CFDP1: variants seen among roughly 807,000 people sequenced by gnomAD.
CFDP1 encodes the protein chromatin remodeling protein CFDP1, also known as heterochromatin-stabilizing protein CFDP1.
A neutral mutation model predicts 40.1 loss-of-function variants in CFDP1; 31 were observed. That is an observed-to-expected ratio of 0.77 (90% confidence interval 0.58 to 1.04). CFDP1 has a LOEUF of 1.04. Among genes scored for constraint, CFDP1 ranks in the 50% least tolerant of loss-of-function variants. The pLI, the probability that CFDP1 is intolerant of heterozygous loss-of-function variation, is 0.00. For synonymous variants in CFDP1, 167 were observed against 120.0 expected, an observed-to-expected ratio of 1.39 and a Z score of -2.56; for missense variants, 423 against 343.4, an observed-to-expected ratio of 1.23 and a Z score of -1.83.
chr16:75,422,228 C>A (rs755677521), intron 1 of CFDP1, among the ~76,000 whole-genome samples: 1 of 152,042 alleles, frequency 6.6e-6, no homozygotes, highest in Non-Finnish European at 1.5e-5. Context: ...TCCCAAGTAG[C>A]TGGGATTACA....
chr16:75,306,199 T>C (rs550510975), intron 5 of CFDP1, among the ~76,000 whole-genome samples: 48 of 152,358 alleles, frequency 3.2e-4, no homozygotes, highest in African/African-American at 1.2e-3. Context: ...ATAATACCTT[T>C]ACTTGTCTAG....
In CFDP1 at chr16:75,323,549, G is replaced by C. The variant is rs138184852; in HGVS notation, c.651-18367C>G. 5.3e-3 allele frequency among the ~76,000 whole-genome samples: 800 copies of C among 152,058 alleles called. 7 individuals are homozygous for C. Among genetic ancestry groups the C allele is most frequent in the African/African-American group, 0.019 (775 of 41,472 alleles). On this transcript the variant is annotated intron_variant, in intron 5 of 6. Coordinates refer to ENST00000283882, the MANE Select transcript of CFDP1 (RefSeq NM_006324.3). ...TAATCCCAGCACTTGTGAAGGCCGA[G>C]GCAGGTGGATCACCTGAGGCCAGGA...
chr16:75,416,916 G>T lies in CFDP1; in HGVS notation c.65-2221C>A, dbSNP rs59694054. On this transcript the variant is annotated intron_variant, in intron 1 of 6. Coordinates refer to ENST00000283882, the MANE Select transcript of CFDP1 (RefSeq NM_006324.3). ...CAAGGGCTAAGTGACAGTGTTTCAT[G>T]AAGAGAGCAGTGAGTTCCTGCTTAA... Among the ~76,000 whole-genome samples the T allele has an allele frequency of 2.9e-4, 44 of 152,292 alleles. No homozygotes were observed. In the East Asian group the frequency reaches 7.9e-3, roughly 27 times the overall value.
At chr16:75,294,184 A>C in intron 6 of CFDP1, 142 bp from the exon 7 acceptor site, 1 of 607,524 alleles carries the variant, frequency 1.6e-6, no homozygotes, top group Middle Eastern at 2.7e-4. Flanking sequence ...TACAATCCAA[A>C]CCACTCACAT....
At chr16:75,356,238 C>A (rs2078643342) in intron 5 of CFDP1, among the ~76,000 whole-genome samples, 1 of 152,266 alleles carries the variant, frequency 6.6e-6, no homozygotes, top group Middle Eastern at 3.4e-3. Flanking sequence ...CACAGCTTGT[C>A]AGGAGTGAAA....
chr16:75,308,413 C>CA (rs1352582486), intron 5 of CFDP1, among the ~76,000 whole-genome samples: 5 of 152,168 alleles, frequency 3.3e-5, no homozygotes, highest in Admixed American at 2.0e-4. Flanking sequence ...GTCTTATGTT[C>CA]TGCTTTGAGG....
At chr16:75,402,258 T>C (rs1487275718) in intron 4 of CFDP1, among the ~76,000 whole-genome samples, 2 of 152,206 alleles carry the variant, frequency 1.3e-5, no homozygotes, top group African/African-American at 4.8e-5. Flanking sequence ...TTAGTAATAG[T>C]TAATTCAAGT....
At chr16:75,411,684 G>A (rs2079163943) in intron 4 of CFDP1, 141 bp downstream of exon 4, 7 of 804,930 alleles carry the variant, frequency 8.7e-6, no homozygotes, top group South Asian at 1.7e-5. Flanking sequence ...GTAATTTATA[G>A]AGCCAGTTTT....
At chr16:75,418,252 C>CAA (rs34789992) in intron 1 of CFDP1, among the ~76,000 whole-genome samples, 97 of 56,850 alleles carry the variant, frequency 1.7e-3, no homozygotes, top group African/African-American at 2.4e-3. Context: ...AACTCTGTCT[C>CAA]AAAAAAAAAA....
intron 5 of CFDP1, among the ~76,000 whole-genome samples, chr16:75,311,242 T>G (rs2078291128): frequency 6.6e-6 from 1 of 152,222 alleles, no homozygotes; most frequent in African/African-American, 2.4e-5. Context: ...TTTTCCACCT[T>G]GCTTGGTGCT....
intron 4 of CFDP1, among the ~76,000 whole-genome samples, chr16:75,411,226 CAA>C (rs2079159824): frequency 1.3e-5 from 2 of 151,376 alleles, no homozygotes; most frequent in African/African-American, 4.9e-5. Context: ...TAAAAAAAAA[CAA>C]AAACAAAACA....
At chr16:75,401,394 C>A (rs2079051697) in intron 4 of CFDP1, among the ~76,000 whole-genome samples, 1 of 145,494 alleles carries the variant, frequency 6.9e-6, no homozygotes, top group East Asian at 2.0e-4. Context: ...CACCACTGCA[C>A]TCCACCCTGG....
chr16:75,334,213 C>A (rs891351319), intron 5 of CFDP1, among the ~76,000 whole-genome samples: 1 of 151,588 alleles, frequency 6.6e-6, no homozygotes, highest in African/African-American at 2.4e-5. Context: ...CTAACCCTAA[C>A]CCTAACCCTA....
chr16:75,426,999 G>A (rs946471533), intron 1 of CFDP1, among the ~76,000 whole-genome samples: 4 of 150,776 alleles, frequency 2.7e-5, no homozygotes, highest in African/African-American at 4.9e-5. Context: ...AGGTTGTGGT[G>A]AGCCAAGATT....
intron 6 of CFDP1, among the ~76,000 whole-genome samples, chr16:75,294,328 T>C (rs1453639127): frequency 6.6e-6 from 1 of 152,192 alleles, no homozygotes; most frequent in Non-Finnish European, 1.5e-5. Context: ...AGAATACCGG[T>C]TTACACAAGC....
At chr16:75,392,543 G>A (rs1356355125) in intron 5 of CFDP1, among the ~76,000 whole-genome samples, 2 of 152,158 alleles carry the variant, frequency 1.3e-5, no homozygotes, top group Non-Finnish European at 2.9e-5. Context: ...TGTCGCCCAG[G>A]CGGGAGTGCA....
intron 1 of CFDP1, among the ~76,000 whole-genome samples, chr16:75,422,601 G>A (rs774403753): frequency 4.3e-4 from 64 of 149,998 alleles, no homozygotes; most frequent in Admixed American, 1.1e-3. Flanking sequence ...CACCATGTTC[G>A]TCAGACTAGT....
chr16:75,394,995 A>G, intron 5 of CFDP1, 95 bp downstream of exon 5: 2 of 1,433,142 alleles, frequency 1.4e-6, no homozygotes, highest in East Asian at 2.4e-5. Flanking sequence ...TCTCTCTCTC[A>G]GGCAAGGAGT....
chr16:75,340,872 C>A (rs1355449854), intron 5 of CFDP1, among the ~76,000 whole-genome samples: 1 of 152,166 alleles, frequency 6.6e-6, no homozygotes, highest in Non-Finnish European at 1.5e-5. Flanking sequence ...CAAGACAGGT[C>A]ACTGTGGCCT....
Sources: allele counts gnomAD v4.1 joint callset (sites outside exome capture counted in the v4.1 genomes callset), GRCh38; gene constraint gnomAD v4.1.1; transcripts MANE v1.5; gene names NCBI Gene and HGNC (gene_info 2026-07-23, HGNC 2026-07-21).